The following HIPK2 variants were observed in gnomAD, a reference collection of about 807,000 sequenced individuals.
The protein encoded by HIPK2 is homeodomain-interacting protein kinase 2.
Under a neutral mutation model 113.7 loss-of-function variants are expected in HIPK2, and 27 were observed. That is an observed-to-expected ratio of 0.24 (90% CI 0.17 to 0.33). The LOEUF is 0.33. Among genes scored for constraint, HIPK2 ranks in the 10% least tolerant of loss-of-function variants. The probability of loss-of-function intolerance (pLI) is 1.00; values close to 1 mark genes in which losing one functional copy is unlikely to be tolerated. For missense variants in HIPK2, 1,257 were observed against 1,588.0 expected (o/e 0.79, Z 3.54); for synonymous variants, 631 against 642.2 (o/e 0.98, Z 0.26).
chr7:139,735,925 C>G (rs921299238), intron 1 of HIPK2, among the ~76,000 whole-genome samples: 2 of 152,180 alleles, frequency 1.3e-5, no homozygotes, highest in African/African-American at 4.8e-5. Flanking sequence ...CCAAACCCAT[C>G]TAAGGGAACA....
At chr7:139,621,830 G>A (rs1205110898) in intron 6 of HIPK2, among the ~76,000 whole-genome samples, 7 of 150,678 alleles carry the variant, frequency 4.6e-5, no homozygotes, top group Non-Finnish European at 7.4e-5. Context: ...GGCTGAGGTC[G>A]GAGAATCACT....
At position 139,756,460 on chromosome 7, in the gene HIPK2, T is replaced by C. The variant is rs1796364759; in HGVS notation, c.19+21145A>G. On this transcript the variant is annotated intron_variant, in intron 1 of 14. Transcript: ENST00000406875. ...GTTTTTTTGAGACGGAGTCTCGCTC[T>C]GTCACCCAGGCTGGAGTGCAGTGGT... Among the ~76,000 whole-genome samples the C allele has an allele frequency of 2.0e-5, 3 of 152,374 alleles. No homozygotes were observed. In the South Asian group the frequency reaches 6.2e-4, roughly 32 times the overall value.
At chr7:139,719,240 G>A (rs924481702) in intron 1 of HIPK2, among the ~76,000 whole-genome samples, 3 of 152,170 alleles carry the variant, frequency 2.0e-5, no homozygotes, top group South Asian at 2.1e-4. Context: ...CTGAGTAGCT[G>A]GGACTACAGG....
Position 139,777,747 on chromosome 7 carries a change from G to GA in HIPK2, c.-125_-124insT. The GA allele has an allele frequency of 3.2e-6, 3 of 934,386 alleles. No individual in the cohort carries two copies. Among genetic ancestry groups the GA allele is most frequent in the African/African-American group, 1.8e-5 (1 of 55,788 alleles). The allele number at this position is 934,386 out of a possible 1,614,324, so 57.9% of individuals were successfully genotyped here. On this transcript the variant is annotated 5_prime_UTR_variant, in exon 1 of 15. An upstream open reading frame in the 5' UTR loses its in-frame stop. Coordinates refer to ENST00000406875, the MANE Select transcript of HIPK2 (RefSeq NM_022740.5). ...GTGTCTCCGCTCTCGGCGCAGCCGA[G>GA]GCCGCCCGCGCCCGCATCACCGCCT...
chr7:139,762,084 A>G (rs1796474378), intron 1 of HIPK2, among the ~76,000 whole-genome samples: 1 of 152,236 alleles, frequency 6.6e-6, no homozygotes, highest in Non-Finnish European at 1.5e-5. Flanking sequence ...TTTCACTAGT[A>G]ATCTACAGAA....
intron 1 of HIPK2, among the ~76,000 whole-genome samples, chr7:139,727,326 T>C (rs1293640749): frequency 2.0e-5 from 3 of 152,086 alleles, no homozygotes; most frequent in African/African-American, 7.2e-5. Flanking sequence ...AATGAGCCAA[T>C]AGCCCTCTTT....
chr7:139,735,467 G>T (rs1795910302), intron 1 of HIPK2, among the ~76,000 whole-genome samples: 2 of 152,138 alleles, frequency 1.3e-5, no homozygotes, highest in Non-Finnish European at 2.9e-5. Flanking sequence ...AATCTGCTAG[G>T]CTGAGGACTG....
chr7:139,761,190 A>G (rs1282823588), intron 1 of HIPK2, among the ~76,000 whole-genome samples: 1 of 152,268 alleles, frequency 6.6e-6, no homozygotes, highest in Non-Finnish European at 1.5e-5. Context: ...GGCCCCAGGC[A>G]GTACAGGAAA....
intron 1 of HIPK2, among the ~76,000 whole-genome samples, chr7:139,740,845 C>T (rs746548004): frequency 2.6e-5 from 4 of 152,150 alleles, no homozygotes; most frequent in Non-Finnish European, 5.9e-5. Context: ...ACTAAATTAC[C>T]AGGCAAAAGT....
intron 2 of HIPK2, among the ~76,000 whole-genome samples, chr7:139,707,060 C>T (rs2116890709): frequency 6.6e-6 from 1 of 152,340 alleles, no homozygotes; most frequent in African/African-American, 2.4e-5. Context: ...CCGCCTTTGG[C>T]CCTTCCCAGG....
intron 2 of HIPK2, among the ~76,000 whole-genome samples, chr7:139,668,005 T>C (rs1802108085): frequency 1.3e-5 from 2 of 151,618 alleles, no homozygotes; most frequent in Admixed American, 6.6e-5. Context: ...GCATGCACTG[T>C]CATCTCAGCT....
chr7:139,609,360 T>G (rs1799735139), intron 9 of HIPK2, among the ~76,000 whole-genome samples: 1 of 152,168 alleles, frequency 6.6e-6, no homozygotes, highest in Non-Finnish European at 1.5e-5. Flanking sequence ...AGAGGCCTGT[T>G]TCCCTGAAAG....
intron 5 of HIPK2, 59 bp from the exon 6 acceptor site, chr7:139,626,844 G>A: frequency 6.3e-7 from 1 of 1,590,336 alleles, no homozygotes; most frequent in South Asian, 1.1e-5. Context: ...CCCTCTCCTG[G>A]CTCCCCTTAT....
rs1263621509 is a variant in HIPK2, at chr7:139,562,759, C to G, written c.*10168G>C. Reference sequence around the variant, plus strand: ...AGTGGCCTGGGACACAGCCCATGCACGTCCAAGACACCAGTCTTGACTCCG... The same window carrying G: ...AGTGGCCTGGGACACAGCCCATGCAGGTCCAAGACACCAGTCTTGACTCCG... On this transcript the variant is annotated 3_prime_UTR_variant, in exon 15 of 15. Coordinates refer to ENST00000406875, the MANE Select transcript of HIPK2 (RefSeq NM_022740.5). 1 of 152,262 alleles carries G rather than the reference C, an allele frequency of 6.6e-6. No homozygotes were observed. Among genetic ancestry groups the G allele is most frequent in the Non-Finnish European group, 1.5e-5 (1 of 68,052 alleles). The allele number at this position is 152,262 out of a possible 1,614,324, so 9.4% of individuals were successfully genotyped here. A position where few individuals can be genotyped will look rare whatever the true frequency, so the allele number is the denominator to read the frequency against.
Position 139,777,764 on chromosome 7 carries a change from T to G in HIPK2, c.-141A>C. 4.4e-6 allele frequency: 3 copies of G among 687,178 alleles called. No individual in the cohort carries two copies. The highest frequency in any genetic ancestry group is 5.4e-6 in the Non-Finnish European group (3 of 558,944). 42.6% of individuals were successfully genotyped at this position (687,178 alleles called of 1,614,324 possible). On this transcript the variant is annotated 5_prime_UTR_variant, in exon 1 of 15. An upstream start codon of the reference 5' UTR is lost. Coordinates refer to ENST00000406875, the MANE Select transcript of HIPK2 (RefSeq NM_022740.5). Reference sequence around the variant, plus strand: ...GCAGCCGAGGCCGCCCGCGCCCGCATCACCGCCTCCCGTGGCCGGCGCCGG... The same window carrying G: ...GCAGCCGAGGCCGCCCGCGCCCGCAGCACCGCCTCCCGTGGCCGGCGCCGG...
chr7:139,685,506 G>A (rs1179601864), intron 2 of HIPK2, among the ~76,000 whole-genome samples: 1 of 152,228 alleles, frequency 6.6e-6, no homozygotes, highest in East Asian at 1.9e-4. Context: ...ATTGGAAGAA[G>A]ATGCCATCTA....
intron 7 of HIPK2, among the ~76,000 whole-genome samples, chr7:139,618,985 C>T (rs1800148750): frequency 6.6e-6 from 1 of 152,186 alleles, no homozygotes; most frequent in Admixed American, 6.5e-5. Flanking sequence ...AGCCTTAGGG[C>T]TGGGCAAGGT....
intron 6 of HIPK2, among the ~76,000 whole-genome samples, chr7:139,624,562 G>C (rs569564555): frequency 1.3e-5 from 2 of 152,300 alleles, no homozygotes; most frequent in East Asian, 3.9e-4. Context: ...ACAAGTTTAA[G>C]CATCCTGTTT....
At chr7:139,745,666 G>A (rs1305022301) in intron 1 of HIPK2, among the ~76,000 whole-genome samples, 2 of 151,796 alleles carry the variant, frequency 1.3e-5, no homozygotes, top group South Asian at 2.1e-4. Flanking sequence ...ACTATCATTC[G>A]CATTCCCCAG....
Sources: allele counts gnomAD v4.1 joint callset (sites outside exome capture counted in the v4.1 genomes callset), GRCh38; gene constraint gnomAD v4.1.1; transcripts MANE v1.5; gene names NCBI Gene and HGNC (gene_info 2026-07-23, HGNC 2026-07-21).